The following MPZL1 variants were observed in gnomAD, a reference collection of about 807,000 sequenced individuals.
MPZL1 encodes myelin protein zero like 1.
Under a neutral mutation model 29.3 loss-of-function variants are expected in MPZL1, and 16 were observed. The ratio of observed to expected loss-of-function variants is 0.55; its 90% CI spans 0.37 to 0.83. The LOEUF (loss-of-function observed/expected upper bound fraction) is 0.83. Ranked by LOEUF, MPZL1 falls within the 40% of genes least tolerant of loss-of-function variation. The probability of loss-of-function intolerance (pLI) is 0.00; values close to 1 mark genes in which losing one functional copy is unlikely to be tolerated. For synonymous variants in MPZL1, 143 were observed against 132.0 expected (o/e 1.08, Z -0.57); for missense variants, 279 against 332.9 (o/e 0.84, Z 1.26).
chr1:167,735,564 CATAG>C (rs767754473), intron 1 of MPZL1, among the ~76,000 whole-genome samples: 10 of 152,064 alleles, frequency 6.6e-5, no homozygotes, highest in East Asian at 3.9e-4. Context: ...ATCTTGCTGG[CATAG>C]ATAGATAGAT....
chr1:167,757,989 A>G (rs948695193), intron 1 of MPZL1, among the ~76,000 whole-genome samples: 1 of 151,636 alleles, frequency 6.6e-6, no homozygotes, highest in Admixed American at 6.6e-5. Context: ...GTCTCTACTT[A>G]AAAAAAATAG....
At chr1:167,762,659 C>T (rs1041571683) in intron 1 of MPZL1, among the ~76,000 whole-genome samples, 1 of 152,168 alleles carries the variant, frequency 6.6e-6, no homozygotes, top group African/African-American at 2.4e-5. Flanking sequence ...CAGAAAAACC[C>T]TTAGGCTGAA....
chr1:167,776,229 C>A, intron 5 of MPZL1, 63 bp downstream of exon 5: 1 of 1,219,190 alleles, frequency 8.2e-7, no homozygotes, highest in Admixed American at 1.9e-5. Flanking sequence ...TCTGTCACTT[C>A]CTTGGGTGTG....
At chr1:167,728,997 G>A (rs1361944911) in intron 1 of MPZL1, among the ~76,000 whole-genome samples, 1 of 152,134 alleles carries the variant, frequency 6.6e-6, no homozygotes, top group Non-Finnish European at 1.5e-5. Context: ...CGGGCATGGT[G>A]ACTCATGCCT....
At chr1:167,746,503 C>T (rs1366321566) in intron 1 of MPZL1, among the ~76,000 whole-genome samples, 1 of 152,156 alleles carries the variant, frequency 6.6e-6, no homozygotes, top group African/African-American at 2.4e-5. Context: ...ATACATATGT[C>T]GAATAAGATC....
At position 167,765,691 on chromosome 1, in the gene MPZL1, G is replaced by A. The variant is rs1427995443; in HGVS notation, c.200G>A (p.Gly67Asp). ...AAGTTCAAGTCTACTAGTACGACTG[G>A]CGGGTTGACCTCAGTCTCCTGGAGC... ...TCKFKSTSTT[G>D]GLTSVSWSFQ... Residue 67 changes from glycine to aspartate, a missense_variant, in exon 2 of 6, where the codon GGC (glycine) becomes GAC (aspartate). Gly to Asp is a moderately conservative substitution (Grantham distance 94, BLOSUM62 -1). Coordinates refer to ENST00000359523, the MANE Select transcript of MPZL1 (RefSeq NM_003953.6). 2.5e-6 allele frequency: 4 copies of A among 1,613,342 alleles called. No homozygotes were observed. Among genetic ancestry groups the A allele is most frequent in the Non-Finnish European group, 8.5e-7 (1 of 1,179,618 alleles).
At chr1:167,775,598 T>C (rs971319905) in intron 4 of MPZL1, among the ~76,000 whole-genome samples, 6 of 152,158 alleles carry the variant, frequency 3.9e-5, no homozygotes, top group African/African-American at 1.4e-4. Flanking sequence ...CTTGCCTGGA[T>C]ATATATCTGT....
At chr1:167,773,440 A>C (rs1194198523) in intron 4 of MPZL1, 72 bp downstream of exon 4, 2 of 1,481,542 alleles carry the variant, frequency 1.3e-6, no homozygotes, top group Non-Finnish European at 1.8e-6. Flanking sequence ...TCTGTATTTA[A>C]TGAAAAAAGG....
At chr1:167,781,288 C>A (rs2157601) in intron 5 of MPZL1, among the ~76,000 whole-genome samples, 114,000 of 152,054 alleles carry the variant, frequency 0.75, 43,268 homozygotes, top group African/African-American at 0.86. Flanking sequence ...TTCCATCAAG[C>A]GCAGAATTCT....
At chr1:167,744,198 T>A (rs1191890371) in intron 1 of MPZL1, among the ~76,000 whole-genome samples, 2 of 152,062 alleles carry the variant, frequency 1.3e-5, no homozygotes, top group East Asian at 3.8e-4. Context: ...ATGGAGGGCT[T>A]TTTGCACAAG....
At chr1:167,724,376 C>T (rs986700457) in intron 1 of MPZL1, among the ~76,000 whole-genome samples, 1 of 152,156 alleles carries the variant, frequency 6.6e-6, no homozygotes, top group African/African-American at 2.4e-5. Context: ...ATTTCTCTGT[C>T]TATTGAGATG....
intron 1 of MPZL1, among the ~76,000 whole-genome samples, chr1:167,748,673 T>A (rs1660697616): frequency 6.6e-6 from 1 of 152,200 alleles, no homozygotes; most frequent in South Asian, 2.1e-4. Context: ...TTTGGTGTGT[T>A]ATCTAAGAAA....
chr1:167,722,226 G>T lies in MPZL1; in HGVS notation c.75G>T (p.Ala25=). 1.6e-6 allele frequency: 2 copies of T among 1,239,564 alleles called. No homozygotes were observed. The allele number at this position is 1,239,564 out of a possible 1,614,324, so 76.8% of individuals were successfully genotyped here. ...DSRRWLWSVL[A]AALGLLTAGV... is the part of the protein sequence containing the mutation. ...GGCGCTGGCTGTGGTCGGTGCTGGC[G>T]GCGGCGCTTGGGCTCTGTAAGTGAT... Residue 25 remains alanine, a synonymous_variant, in exon 1 of 6, where the codon GCG becomes GCT. Transcript: ENST00000359523.
At chr1:167,765,504 C>A in intron 1 of MPZL1, 79 bp from the exon 2 acceptor site, 1 of 1,284,278 alleles carries the variant, frequency 7.8e-7, no homozygotes, top group Non-Finnish European at 1.1e-6. Flanking sequence ...TTTGCTGTAT[C>A]TTTTCTTGTC....
At chr1:167,751,646 G>A (rs563559700) in intron 1 of MPZL1, among the ~76,000 whole-genome samples, 2 of 150,980 alleles carry the variant, frequency 1.3e-5, no homozygotes, top group Non-Finnish European at 2.9e-5. Flanking sequence ...ACTCCAGCCT[G>A]GGCGACAGGA....
chr1:167,744,609 G>A (rs1286266900), intron 1 of MPZL1, among the ~76,000 whole-genome samples: 1 of 151,214 alleles, frequency 6.6e-6, no homozygotes, highest in Admixed American at 6.6e-5. Flanking sequence ...ACTTGAACCC[G>A]GGGGTCAGAG....
rs761643652 is a variant in MPZL1, at chr1:167,765,715, G to A, written c.224G>A (p.Ser75Asn). ...GGCGGGTTGACCTCAGTCTCCTGGAGCTTCCAGCCAGAGGGGGCCGACACT... is the reference window on the plus strand; with the variant it reads ...GGCGGGTTGACCTCAGTCTCCTGGAACTTCCAGCCAGAGGGGGCCGACACT... ...TTGGLTSVSW[S>N]FQPEGADTTV... Residue 75 changes from serine to asparagine, a missense_variant, in exon 2 of 6, where the codon AGC becomes AAC. By Grantham distance (46) the Ser-to-Asn change is conservative. Transcript: ENST00000359523. 8 of 1,611,676 alleles carry A rather than the reference G, an allele frequency of 5.0e-6. No homozygotes were observed. The highest frequency in any genetic ancestry group is 6.8e-6 in the Non-Finnish European group (8 of 1,178,928).
intron 1 of MPZL1, among the ~76,000 whole-genome samples, chr1:167,761,032 A>G (rs184944086): frequency 6.6e-6 from 1 of 152,326 alleles, no homozygotes; most frequent in East Asian, 1.9e-4. Context: ...AGATAGGGCA[A>G]TAAGACAAGA....
chr1:167,777,600 G>C (rs1287036106), intron 5 of MPZL1, among the ~76,000 whole-genome samples: 2 of 152,146 alleles, frequency 1.3e-5, no homozygotes, highest in African/African-American at 4.8e-5. Flanking sequence ...GGATGAGCAC[G>C]AGCACTTCAG....
Sources: gnomAD v4.1 joint callset for allele counts (sites outside exome capture counted in the v4.1 genomes callset) on GRCh38, gnomAD v4.1.1 for gene constraint, MANE v1.5 for transcripts, NCBI Gene and HGNC (gene_info 2026-07-23, HGNC 2026-07-21) for gene names.